DAP: variants seen among roughly 807,000 people sequenced by gnomAD.
DAP encodes the protein death-associated protein 1.
In DAP, 8 loss-of-function variants were observed where a neutral mutation model predicts 13.8. The ratio of observed to expected loss-of-function variants is 0.58; its 90% confidence interval spans 0.34 to 1.05. The LOEUF (loss-of-function observed/expected upper bound fraction) is 1.05. Ranked by LOEUF, DAP falls within the 50% of genes least tolerant of loss-of-function variation. The pLI is 0.03. For missense variants in DAP, 106 were observed against 133.2 expected, an observed-to-expected ratio of 0.80 and a Z score of 1.01; for synonymous variants, 47 against 47.5, an observed-to-expected ratio of 0.99 and a Z score of 0.04.
intron 1 of DAP, among the ~76,000 whole-genome samples, chr5:10,751,687 G>T (rs1412145769): frequency 6.6e-6 from 1 of 152,156 alleles, no homozygotes; most frequent in Non-Finnish European, 1.5e-5. Context: ...TTAAAATGAG[G>T]AATTGAGGTA....
chr5:10,760,493 T>A (rs1228876765), intron 1 of DAP, among the ~76,000 whole-genome samples: 2 of 152,166 alleles, frequency 1.3e-5, no homozygotes, highest in Non-Finnish European at 2.9e-5. Context: ...AAAAAAAATC[T>A]GGATGTGGAA....
chr5:10,713,753 G>A lies in DAP; in HGVS notation c.153-30182C>T, dbSNP rs111324393. Among the ~76,000 whole-genome samples the A allele has an allele frequency of 4.3e-3, 653 of 152,282 alleles. 4 individuals are homozygous for A. Among genetic ancestry groups the A allele is most frequent in the South Asian group, 0.021 (99 of 4,818 alleles). On this transcript the variant is annotated intron_variant, in intron 2 of 3. Coordinates refer to ENST00000230895, the MANE Select transcript of DAP (RefSeq NM_004394.3). ...GCCTGGTGTGCTCTGGCGGGGAAGC[G>A]GGGCTGGGCAAGTGCTGCTGTGTTT... is the stretch of plus-strand genomic sequence containing the variant.
chr5:10,723,121 G>T (rs1739201373), intron 2 of DAP, among the ~76,000 whole-genome samples: 1 of 152,090 alleles, frequency 6.6e-6, no homozygotes, highest in Admixed American at 6.5e-5. Flanking sequence ...CCTCCCTCTT[G>T]CCATCACAGT....
At chr5:10,736,269 C>T (rs1739609283) in intron 2 of DAP, among the ~76,000 whole-genome samples, 1 of 152,192 alleles carries the variant, frequency 6.6e-6, no homozygotes, top group Admixed American at 6.5e-5. Context: ...GTTTGTGCAA[C>T]TGTGTTATGG....
chr5:10,746,322 G>GTT (rs954556904), intron 2 of DAP, among the ~76,000 whole-genome samples: 2 of 138,546 alleles, frequency 1.4e-5, no homozygotes, highest in African/African-American at 5.5e-5. Context: ...TAATTCTAGC[G>GTT]TTTTTTTTTT....
At chr5:10,697,598 T>G (rs978926100) in intron 2 of DAP, among the ~76,000 whole-genome samples, 9 of 152,196 alleles carry the variant, frequency 5.9e-5, no homozygotes. Context: ...GTTTAATTTT[T>G]GGGAGGTGGG....
intron 2 of DAP, among the ~76,000 whole-genome samples, chr5:10,705,560 T>C (rs1738678704): frequency 6.6e-6 from 1 of 152,248 alleles, no homozygotes; most frequent in African/African-American, 2.4e-5. Context: ...ACAGAAGCAG[T>C]TCCATGCAGG....
At chr5:10,735,967 G>A (rs1739600769) in intron 2 of DAP, among the ~76,000 whole-genome samples, 2 of 152,218 alleles carry the variant, frequency 1.3e-5, no homozygotes, top group African/African-American at 4.8e-5. Context: ...TGTTGCAGAT[G>A]TAATTAGTTA....
At chr5:10,706,683 GA>G (rs1330404949) in intron 2 of DAP, among the ~76,000 whole-genome samples, 2 of 152,168 alleles carry the variant, frequency 1.3e-5, no homozygotes, top group Non-Finnish European at 2.9e-5. Context: ...TCTTGTTTAT[GA>G]GACAAAAATG....
intron 1 of DAP, 57 bp downstream of exon 1, chr5:10,760,957 C>T (rs1376607676): frequency 5.3e-6 from 6 of 1,131,402 alleles, no homozygotes; most frequent in Non-Finnish European, 6.7e-6. Flanking sequence ...CCGGCGCCCC[C>T]GGGTTCGAGC....
chr5:10,704,858 G>A (rs942004134), intron 2 of DAP, among the ~76,000 whole-genome samples: 3 of 152,144 alleles, frequency 2.0e-5, no homozygotes, highest in African/African-American at 7.2e-5. Context: ...AAGCAGCTTA[G>A]AGGTAGACAG....
chr5:10,713,678 C>T (rs150582357), intron 2 of DAP, among the ~76,000 whole-genome samples: 172 of 152,336 alleles, frequency 1.1e-3, no homozygotes, highest in African/African-American at 4.0e-3. Flanking sequence ...CCACTAGAGG[C>T]TGAGGTAAAG....
chr5:10,731,516 C>T (rs1739460551), intron 2 of DAP, among the ~76,000 whole-genome samples: 1 of 152,216 alleles, frequency 6.6e-6, no homozygotes, highest in Non-Finnish European at 1.5e-5. Flanking sequence ...GCTCCCTGCA[C>T]TTCATTCCTT....
At chr5:10,702,659 A>G (rs1294950753) in intron 2 of DAP, among the ~76,000 whole-genome samples, 2 of 152,210 alleles carry the variant, frequency 1.3e-5, no homozygotes, top group Non-Finnish European at 2.9e-5. Flanking sequence ...GGCGGTAAGG[A>G]AAAGAGGGAT....
chr5:10,713,672 T>C (rs1433925325), intron 2 of DAP, among the ~76,000 whole-genome samples: 6 of 152,174 alleles, frequency 3.9e-5, no homozygotes, highest in Non-Finnish European at 5.9e-5. Context: ...CTCCGTCCAC[T>C]AGAGGCTGAG....
intron 2 of DAP, among the ~76,000 whole-genome samples, chr5:10,738,222 A>C (rs1273333533): frequency 6.6e-6 from 1 of 152,280 alleles, no homozygotes; most frequent in Non-Finnish European, 1.5e-5. Context: ...GTATATCTGC[A>C]GTAGTTACTG....
chr5:10,731,839 T>C (rs1042182096), intron 2 of DAP, among the ~76,000 whole-genome samples: 2 of 152,254 alleles, frequency 1.3e-5, no homozygotes, highest in Non-Finnish European at 2.9e-5. Context: ...AGCATGGATC[T>C]ACTATGGCCA....
chr5:10,692,019 T>C (rs908175073), intron 2 of DAP, among the ~76,000 whole-genome samples: 2 of 152,208 alleles, frequency 1.3e-5, no homozygotes, highest in African/African-American at 4.8e-5. Flanking sequence ...CAGGATAAAA[T>C]GCCAGAAACG....
intron 1 of DAP, among the ~76,000 whole-genome samples, chr5:10,754,371 A>T (rs1164706341): frequency 6.6e-6 from 1 of 152,152 alleles, no homozygotes; most frequent in African/African-American, 2.4e-5. Context: ...AATGAGCTGG[A>T]GCCCCAGATA....
Sources: gnomAD v4.1 joint callset for allele counts (sites outside exome capture counted in the v4.1 genomes callset) on GRCh38, gnomAD v4.1.1 for gene constraint, MANE v1.5 for transcripts, NCBI Gene and HGNC (gene_info 2026-07-23, HGNC 2026-07-21) for gene names.